ANGPTL6: variants seen among roughly 807,000 people sequenced by gnomAD.
ANGPTL6 encodes angiopoietin like 6.
Under a neutral mutation model 47.4 loss-of-function variants are expected in ANGPTL6, and 45 were observed. The ratio of observed to expected loss-of-function variants is 0.95; its 90% CI spans 0.75 to 1.22. The LOEUF is 1.22. Ranked by LOEUF, ANGPTL6 falls within the 50% of genes most tolerant of loss-of-function variation. The probability of loss-of-function intolerance (pLI) is 0.00; values close to 1 mark genes in which losing one functional copy is unlikely to be tolerated. For synonymous variants in ANGPTL6, 290 were observed against 295.9 expected (o/e 0.98, Z 0.20); for missense variants, 698 against 669.4 (o/e 1.04, Z -0.47).
chr19:10,104,866 G>A (rs2088778281), upstream of ANGPTL6, among the ~76,000 whole-genome samples: 1 of 152,202 alleles, frequency 6.6e-6, no homozygotes, highest in Non-Finnish European at 1.5e-5. Context: ...GGTACACACA[G>A]TTGACACCCG....
At chr19:10,103,634 A>ATAAATAAT (rs1568477142), upstream of ANGPTL6, among the ~76,000 whole-genome samples, 16 of 144,824 alleles carry the variant, frequency 1.1e-4, no homozygotes, top group African/African-American at 4.0e-4. Flanking sequence ...TAATAAATAA[A>ATAAATAAT]TAATAATAAA....
chr19:10,093,202 G>A (rs1373535165), intron 5 of ANGPTL6, 147 bp downstream of exon 5: 1 of 1,139,902 alleles, frequency 8.8e-7, no homozygotes. Context: ...TAAAAGTCCT[G>A]ACCTTTGTTC....
chr19:10,103,963 C>G (rs1477914845), upstream of ANGPTL6, among the ~76,000 whole-genome samples: 1 of 150,434 alleles, frequency 6.6e-6, no homozygotes, highest in Non-Finnish European at 1.5e-5. Context: ...TGTGGTGGCC[C>G]ATGCCTGTAA....
chr19:10,104,728 C>T (rs2088775470), upstream of ANGPTL6, among the ~76,000 whole-genome samples: 1 of 152,094 alleles, frequency 6.6e-6, no homozygotes, highest in Non-Finnish European at 1.5e-5. Context: ...CTGTATGTTC[C>T]AAATATGGTC....
upstream of ANGPTL6, among the ~76,000 whole-genome samples, chr19:10,105,434 G>T (rs1031402806): frequency 6.6e-6 from 1 of 152,206 alleles, no homozygotes; most frequent in Non-Finnish European, 1.5e-5. Context: ...GGGAGAGACA[G>T]AGAGAGATGG....
At chr19:10,094,502 C>T (rs983221242) in intron 3 of ANGPTL6, 2 of 529,506 alleles carry the variant, frequency 3.8e-6, no homozygotes, top group East Asian at 3.5e-5. Flanking sequence ...AATATAAGTC[C>T]TGAATATGAT....
Position 10,096,407 on chromosome 19 carries a change from T to A in ANGPTL6, c.157A>T (p.Thr53Ser), listed in dbSNP as rs746538090. ...CWSGPASTRA[T>S]PEAANASELA... is the part of the protein sequence containing the mutation. ...TCGCTGGCGTTGGCGGCCTCGGGCG[T>A]CGCCCGCGTGGATGCGGGGCCGCTC... is the stretch of plus-strand genomic sequence containing the variant. Residue 53 changes from threonine to serine, a missense_variant, in exon 2 of 6, where the codon ACG becomes TCG. Transcript: ENST00000253109. The A allele has an allele frequency of 3.8e-6, 5 of 1,318,656 alleles. No individual in the cohort carries two copies. Among genetic ancestry groups the A allele is most frequent in the Non-Finnish European group, 4.8e-6 (5 of 1,038,840 alleles). The allele number at this position is 1,318,656 out of a possible 1,614,324, so 81.7% of individuals were successfully genotyped here.
upstream of ANGPTL6, among the ~76,000 whole-genome samples, chr19:10,103,831 A>C (rs1366624908): frequency 6.6e-6 from 1 of 151,172 alleles, no homozygotes; most frequent in East Asian, 1.9e-4. Flanking sequence ...GCGGTGGCTC[A>C]CGCCTGTAAT....
chr19:10,099,286 T>C (rs1426633123), intron 1 of ANGPTL6, among the ~76,000 whole-genome samples: 1 of 151,982 alleles, frequency 6.6e-6, no homozygotes, highest in Non-Finnish European at 1.5e-5. Context: ...CCATGATCCA[T>C]AAAAAGTTGC....
rs957026705 is a variant in ANGPTL6 at position 10,092,393 on chromosome 19, T to C, written c.*196A>G. On this transcript the variant is annotated 3_prime_UTR_variant, in exon 6 of 6. Coordinates refer to ENST00000253109, the MANE Select transcript of ANGPTL6 (RefSeq NM_031917.3). ...AGCTCAAACCGAGATATGAATGACC[T>C]TGGGGAGCCATCTGAGGCCAAGATA... The C allele has an allele frequency of 2.1e-5, 32 of 1,512,432 alleles. No homozygotes were observed. Among genetic ancestry groups the C allele is most frequent in the South Asian group, 3.7e-5 (3 of 80,376 alleles). 93.7% of individuals were successfully genotyped at this position (1,512,432 alleles called of 1,614,324 possible). A position where few individuals can be genotyped will look rare whatever the true frequency, so the allele number is the denominator to read the frequency against.
In ANGPTL6 at chr19:10,096,122, C is replaced by T. The variant is rs750428727; in HGVS notation, c.442G>A (p.Ala148Thr). The T allele has an allele frequency of 2.7e-6, 4 of 1,457,162 alleles. No individual in the cohort carries two copies. The highest frequency in any genetic ancestry group is 3.6e-6 in the Non-Finnish European group (4 of 1,105,848). 90.3% of individuals were successfully genotyped at this position (1,457,162 alleles called of 1,614,324 possible). A position where few individuals can be genotyped will look rare whatever the true frequency, so the allele number is the denominator to read the frequency against. ...CGGGCGGCTGCGCGCTGAGCCTCGG[C>T]GGACGCGTTGAGCACGCGCTCCCCG... Reference protein sequence around the residue: ...LLGERVLNASAEAQRAAARFH... With the variant: ...LLGERVLNASTEAQRAAARFH... The change falls in exon 2 of 6, where the codon GCC becomes ACC. Residue 148 changes from alanine to threonine, a missense_variant. By Grantham distance (58) the Ala-to-Thr change is moderately conservative. Coordinates refer to ENST00000253109, the MANE Select transcript of ANGPTL6 (RefSeq NM_031917.3).
In ANGPTL6 at chr19:10,096,628, C is replaced by A. The variant is rs2088552657; in HGVS notation, c.-10-55G>T. ...CGGGGTGCTGGGGCCCAGCGAGACCCCTCCGCTTCCACGCGGGGATGCGCG... is the reference window on the plus strand; with the variant it reads ...CGGGGTGCTGGGGCCCAGCGAGACCACTCCGCTTCCACGCGGGGATGCGCG... On this transcript the variant is annotated intron_variant, in intron 1 of 5. Coordinates refer to ENST00000253109, the MANE Select transcript of ANGPTL6 (RefSeq NM_031917.3). 3.8e-6 allele frequency: 5 copies of A among 1,317,382 alleles called. No homozygotes were observed. In the Admixed American group the frequency reaches 1.4e-4, roughly 36 times the overall value. 81.6% of individuals were successfully genotyped at this position (1,317,382 alleles called of 1,614,324 possible).
intron 3 of ANGPTL6, chr19:10,094,424 GCATGAGC>G: frequency 3.0e-6 from 1 of 332,014 alleles, no homozygotes; most frequent in East Asian, 9.5e-5. Flanking sequence ...GGGATTACAG[GCATGAGC>G]CATCGCGCCC....
intron 5 of ANGPTL6, 76 bp downstream of exon 5, chr19:10,093,273 T>A: frequency 6.5e-7 from 1 of 1,540,338 alleles, no homozygotes; most frequent in Non-Finnish European, 8.8e-7. Flanking sequence ...TTACCTACCC[T>A]ACCTCCTTTC....
chr19:10,103,501 A>G (rs1302542741), upstream of ANGPTL6, among the ~76,000 whole-genome samples: 3 of 151,362 alleles, frequency 2.0e-5, no homozygotes, highest in Non-Finnish European at 3.0e-5. Context: ...GAGGCAGGAG[A>G]ATTGCTTGAA....
chr19:10,093,311 C>T (rs1463565691), intron 5 of ANGPTL6, 38 bp downstream of exon 5: 2 of 1,587,882 alleles, frequency 1.3e-6, no homozygotes, highest in Admixed American at 1.7e-5. Flanking sequence ...GGAGTCCCGC[C>T]TCCCCTATCC....
In ANGPTL6 at chr19:10,096,588, G is replaced by A; in HGVS notation, c.-10-15C>T. On this transcript the variant is annotated splice_polypyrimidine_tract_variant and intron_variant, in intron 1 of 5. Transcript: ENST00000253109. ...TCGCGGCGGACCTGCAGGCAGAGGAGGAACGGAAGGAAGACGGGGTGCTGG... is the reference window on the plus strand; with the variant it reads ...TCGCGGCGGACCTGCAGGCAGAGGAAGAACGGAAGGAAGACGGGGTGCTGG... The A allele has an allele frequency of 1.4e-6, 2 of 1,470,780 alleles. No homozygotes were observed. Among genetic ancestry groups the A allele is most frequent in the Non-Finnish European group, 1.8e-6 (2 of 1,117,112 alleles). 91.1% of individuals were successfully genotyped at this position (1,470,780 alleles called of 1,614,324 possible). A position where few individuals can be genotyped will look rare whatever the true frequency, so the allele number is the denominator to read the frequency against.
chr19:10,104,316 TG>T (rs35683192), upstream of ANGPTL6, among the ~76,000 whole-genome samples: 12,267 of 56,288 alleles, frequency 0.22, 810 homozygotes, highest in African/African-American at 0.38. Flanking sequence ...TTTGTGTGTG[TG>T]GTGTGTGTGT....
chr19:10,101,445 A>G (rs940746184), intron 1 of ANGPTL6, among the ~76,000 whole-genome samples: 4 of 152,166 alleles, frequency 2.6e-5, no homozygotes, highest in Non-Finnish European at 5.9e-5. Flanking sequence ...GATGGAAGAG[A>G]GAGAAGAGGA....
Sources: allele counts gnomAD v4.1 joint callset (sites outside exome capture counted in the v4.1 genomes callset), GRCh38; gene constraint gnomAD v4.1.1; transcripts MANE v1.5; gene names NCBI Gene and HGNC (gene_info 2026-07-23, HGNC 2026-07-21).